The following LRRTM4 variants were observed in gnomAD, a reference collection of about 807,000 sequenced individuals.
LRRTM4 encodes leucine rich repeat transmembrane neuronal 4, also known as leucine-rich repeat transmembrane neuronal protein 4.
A neutral mutation model predicts 47.6 loss-of-function variants in LRRTM4; 25 were observed. That is an observed-to-expected ratio of 0.53 (90% CI 0.38 to 0.73). LRRTM4 has a LOEUF of 0.73. Ranked by LOEUF, LRRTM4 falls within the 30% of genes least tolerant of loss-of-function variation. LRRTM4 has a pLI of 0.00. For missense variants in LRRTM4, 638 were observed against 713.4 expected (o/e 0.89, Z 1.20); for synonymous variants, 311 against 269.5 (o/e 1.15, Z -1.51).
chr2:76,983,447 G>T (rs137984571), intron 3 of LRRTM4, among the ~76,000 whole-genome samples: 8 of 151,926 alleles, frequency 5.3e-5, no homozygotes, highest in Admixed American at 4.6e-4. Flanking sequence ...AGTCTCAGGA[G>T]ATTTGATGGT....
At chr2:77,415,737 C>G (rs915172472) in intron 3 of LRRTM4, among the ~76,000 whole-genome samples, 1 of 152,010 alleles carries the variant, frequency 6.6e-6, no homozygotes, top group Admixed American at 6.6e-5. Flanking sequence ...TCTCTTGTCT[C>G]TATATTTTGT....
intron 3 of LRRTM4, among the ~76,000 whole-genome samples, chr2:77,142,971 C>T (rs991619219): frequency 6.6e-6 from 1 of 152,136 alleles, no homozygotes; most frequent in Non-Finnish European, 1.5e-5. Context: ...TAAAGGATTG[C>T]ATTCTTCCTA....
At chr2:77,313,943 A>G (rs1332105008) in intron 3 of LRRTM4, among the ~76,000 whole-genome samples, 1 of 152,220 alleles carries the variant, frequency 6.6e-6, no homozygotes, top group African/African-American at 2.4e-5. Context: ...ACAAAAGTCT[A>G]TGATAAAATG....
intron 3 of LRRTM4, among the ~76,000 whole-genome samples, chr2:76,937,632 G>T (rs1023813005): frequency 5.9e-5 from 9 of 152,090 alleles, no homozygotes; most frequent in African/African-American, 2.2e-4. Context: ...GCAGTGGTGC[G>T]ATCCCGACTC....
chr2:77,011,171 T>C (rs1677857637), intron 3 of LRRTM4, among the ~76,000 whole-genome samples: 2 of 152,150 alleles, frequency 1.3e-5, no homozygotes, highest in South Asian at 4.1e-4. Flanking sequence ...GAGATAAAAA[T>C]AGTTTTAACA....
At chr2:77,458,538 A>G (rs1050406763) in intron 3 of LRRTM4, among the ~76,000 whole-genome samples, 1 of 151,994 alleles carries the variant, frequency 6.6e-6, no homozygotes, top group Non-Finnish European at 1.5e-5. Flanking sequence ...TGTTTGGTAT[A>G]AATCTGGGGA....
At chr2:77,001,543 G>C (rs1293932579) in intron 3 of LRRTM4, among the ~76,000 whole-genome samples, 1 of 152,058 alleles carries the variant, frequency 6.6e-6, no homozygotes, top group African/African-American at 2.4e-5. Flanking sequence ...ATGGATAGAA[G>C]GCAAGAACAG....
chr2:77,467,104 T>TTTGTTG (rs374414572), intron 3 of LRRTM4, among the ~76,000 whole-genome samples: 3 of 151,936 alleles, frequency 2.0e-5, no homozygotes, highest in African/African-American at 4.8e-5. Flanking sequence ...AACAGGCTGT[T>TTTGTTG]TTGTTGTTGT....
chr2:77,147,691 A>G (rs937779054), intron 3 of LRRTM4, among the ~76,000 whole-genome samples: 1 of 152,204 alleles, frequency 6.6e-6, no homozygotes, highest in Non-Finnish European at 1.5e-5. Context: ...TGATGGCTTC[A>G]TTTAAAACTC....
At chr2:77,322,235 G>A (rs1677817619) in intron 3 of LRRTM4, among the ~76,000 whole-genome samples, 2 of 152,212 alleles carry the variant, frequency 1.3e-5, no homozygotes, top group East Asian at 3.9e-4. Flanking sequence ...GAGATGGGTA[G>A]ATGAGGAAGA....
At chr2:77,365,197 T>C (rs1262149619) in intron 3 of LRRTM4, among the ~76,000 whole-genome samples, 2 of 152,038 alleles carry the variant, frequency 1.3e-5, no homozygotes, top group Non-Finnish European at 2.9e-5. Context: ...GAACAACATT[T>C]ACCCAGAACA....
intron 3 of LRRTM4, among the ~76,000 whole-genome samples, chr2:76,899,522 G>A (rs191408627): frequency 2.6e-5 from 4 of 152,206 alleles, no homozygotes; most frequent in Admixed American, 2.0e-4. Context: ...CCCTGCAGAT[G>A]CCTGGGAGAA....
intron 3 of LRRTM4, among the ~76,000 whole-genome samples, chr2:76,825,696 A>G (rs1013333711): frequency 4.6e-5 from 7 of 151,634 alleles, no homozygotes; most frequent in African/African-American, 1.7e-4. Context: ...GTAAATGGGG[A>G]CATATACATT....
chr2:77,052,267 C>A (rs1478266033), intron 3 of LRRTM4, among the ~76,000 whole-genome samples: 3 of 143,982 alleles, frequency 2.1e-5, no homozygotes, highest in African/African-American at 7.8e-5. Flanking sequence ...CTCCCAGATT[C>A]AAGCAATTCT....
chr2:77,076,422 C>A (rs1680338908), intron 3 of LRRTM4, among the ~76,000 whole-genome samples: 1 of 130,312 alleles, frequency 7.7e-6, no homozygotes, highest in Non-Finnish European at 1.6e-5. Context: ...CAGTTTCAGC[C>A]CGTTACTCCC....
At chr2:76,891,017 C>A (rs781191620) in intron 3 of LRRTM4, among the ~76,000 whole-genome samples, 10 of 151,666 alleles carry the variant, frequency 6.6e-5, no homozygotes, top group Non-Finnish European at 1.0e-4. Flanking sequence ...GACATGGCAA[C>A]AGAAGGTCTT....
At position 77,049,980 on chromosome 2, in the gene LRRTM4, T is replaced by C. The variant is rs570314966; in HGVS notation, c.1552-301064A>G. 3.3e-5 allele frequency among the ~76,000 whole-genome samples: 5 copies of C among 152,216 alleles called. No individual in the cohort carries two copies. The East Asian group carries it at 5.8e-4, about 18-fold the overall frequency. The stretch of plus-strand genomic sequence containing the variant: ...AAATGACCAAAGTTGAGAAATTCAA[T>C]AGCTAGAAAGGCAATATTCCTTTTT... On this transcript the variant is annotated intron_variant, in intron 3 of 3. Coordinates refer to ENST00000409884, the MANE Select transcript of LRRTM4 (RefSeq NM_001134745.3).
At chr2:76,981,623 C>T (rs1676610959) in intron 3 of LRRTM4, among the ~76,000 whole-genome samples, 2 of 151,902 alleles carry the variant, frequency 1.3e-5, no homozygotes, top group South Asian at 4.2e-4. Flanking sequence ...TCTCCTGAAG[C>T]CTGGAACTAC....
intron 3 of LRRTM4, among the ~76,000 whole-genome samples, chr2:76,917,009 G>A (rs556044529): frequency 1.6e-4 from 24 of 152,196 alleles, no homozygotes; most frequent in African/African-American, 4.1e-4. Context: ...TATTATTTTC[G>A]GGGAGGATGT....
Sources: allele counts gnomAD v4.1 joint callset (sites outside exome capture counted in the v4.1 genomes callset), GRCh38; gene constraint gnomAD v4.1.1; transcripts MANE v1.5; gene names NCBI Gene and HGNC (gene_info 2026-07-23, HGNC 2026-07-21).